The following GPNMB variants were observed in gnomAD, a reference collection of about 807,000 sequenced individuals.
The protein encoded by GPNMB is transmembrane glycoprotein NMB.
Under a neutral mutation model 57.3 loss-of-function variants are expected in GPNMB, and 71 were observed. That is an observed-to-expected ratio of 1.24 (90% CI 1.02 to 1.51). The LOEUF is 1.51. GPNMB is among the 40% of genes most tolerant of loss of function. The pLI is 0.00. For synonymous variants in GPNMB, 253 were observed against 263.2 expected (o/e 0.96, Z 0.38); for missense variants, 677 against 691.9 (o/e 0.98, Z 0.24).
At position 23,256,997 on chromosome 7, in the gene GPNMB, A is replaced by T. The variant is rs1384120180; in HGVS notation, c.473A>T (p.Asp158Val). 6.2e-7 allele frequency: 1 copy of T among 1,613,894 alleles called. No individual in the cohort carries two copies. The highest frequency in any genetic ancestry group is 1.3e-5 in the African/African-American group (1 of 74,940). The part of the protein sequence containing the change: ...TGQSHHNVFP[D>V]GKPFPHHPGW... The stretch of plus-strand genomic sequence containing the variant: ...CAAAGCCATCATAACGTCTTCCCTG[A>T]TGGGAAACCTTTTCCTCACCACCCC... Residue 158 changes from aspartate (D) to valine (V), a missense_variant, in exon 4 of 11, where the codon GAT becomes GTT. Coordinates refer to ENST00000258733, the MANE Select transcript of GPNMB (RefSeq NM_002510.3).
chr7:23,257,083 C>T lies in GPNMB; in HGVS notation c.541+18C>T. On this transcript the variant is annotated intron_variant, in intron 4 of 10. Coordinates refer to ENST00000258733, the MANE Select transcript of GPNMB (RefSeq NM_002510.3). ...CACACTTGGTTGGCTTTTACAAACCCCTAAGCTTCTTCTTTACCTTTCCTT... is the reference window on the plus strand; with the variant it reads ...CACACTTGGTTGGCTTTTACAAACCTCTAAGCTTCTTCTTTACCTTTCCTT... The T allele has an allele frequency of 6.2e-7, 1 of 1,601,646 alleles. No individual in the cohort carries two copies. The highest frequency in any genetic ancestry group is 8.6e-7 in the Non-Finnish European group (1 of 1,168,630).
chr7:23,251,070 G>C (rs1205215992), intron 1 of GPNMB, among the ~76,000 whole-genome samples: 5 of 152,176 alleles, frequency 3.3e-5, no homozygotes, highest in African/African-American at 1.2e-4. Flanking sequence ...GCTTTTGTCA[G>C]ATGTGAAGGC....
intron 4 of GPNMB, 117 bp downstream of exon 4, chr7:23,257,182 C>A: frequency 1.1e-6 from 1 of 939,042 alleles, no homozygotes; most frequent in Non-Finnish European, 1.8e-6. Flanking sequence ...AGTCACCCTG[C>A]TAACTTTCCT....
intron 9 of GPNMB, among the ~76,000 whole-genome samples, chr7:23,272,224 C>T (rs536169000): frequency 2.0e-5 from 3 of 152,212 alleles, no homozygotes; most frequent in Non-Finnish European, 4.4e-5. Flanking sequence ...ACTGGCAAAC[C>T]ACTGATCTCT....
intron 5 of GPNMB, 22 bp downstream of exon 5, chr7:23,260,160 T>C: frequency 6.2e-7 from 1 of 1,611,176 alleles, no homozygotes; most frequent in Non-Finnish European, 8.5e-7. Context: ...GAACTCTAAC[T>C]GAGGATGAGG....
At position 23,267,869 on chromosome 7, in the gene GPNMB, G is replaced by A. The variant is rs1478960721; in HGVS notation, c.1118-17G>A. 1 of 1,482,132 alleles carries A rather than the reference G, an allele frequency of 6.7e-7. No individual in the cohort carries two copies. The allele number at this position is 1,482,132 out of a possible 1,614,324, so 91.8% of individuals were successfully genotyped here. ...GTTGTATTTTGATGTGTTTTTCTCT[G>A]GGGGTTATTTTGTTAGAGGGAATCT... On this transcript the variant is annotated splice_polypyrimidine_tract_variant and intron_variant, in intron 7 of 10. Transcript: ENST00000258733.
rs538428126 is a variant in GPNMB at position 23,265,433 on chromosome 7, C to T, written c.1019-1084C>T. On this transcript the variant is annotated intron_variant, in intron 6 of 10. Transcript: ENST00000258733. ...ATTTTTTATCTTGCTAAAGGAGCAG[C>T]GATGTCTTAATTAGAGCCTGTTAAA... Among the ~76,000 whole-genome samples, 12 of 152,238 alleles carry T rather than the reference C, an allele frequency of 7.9e-5. No homozygotes were observed. In the East Asian group the frequency reaches 9.6e-4, roughly 12 times the overall value.
At chr7:23,272,623 C>T (rs577665297) in intron 9 of GPNMB, among the ~76,000 whole-genome samples, 7 of 152,282 alleles carry the variant, frequency 4.6e-5, no homozygotes, top group African/African-American at 1.4e-4. Flanking sequence ...TTCTTCAAAG[C>T]AAACCTATAG....
At chr7:23,256,761 G>A (rs1782787533) in intron 3 of GPNMB, 131 bp from the exon 4 acceptor site, 2 of 661,726 alleles carry the variant, frequency 3.0e-6, no homozygotes, top group African/African-American at 1.8e-5. Context: ...TACATATTAA[G>A]TGTTTAGTTG....
At chr7:23,252,935 G>A (rs941498836) in intron 1 of GPNMB, among the ~76,000 whole-genome samples, 6 of 152,032 alleles carry the variant, frequency 3.9e-5, no homozygotes, top group Non-Finnish European at 7.4e-5. Context: ...CTTTAGCCAA[G>A]TGAGTAGTTC....
intron 9 of GPNMB, among the ~76,000 whole-genome samples, chr7:23,272,760 C>A (rs558237224): frequency 1.5e-4 from 23 of 152,170 alleles, no homozygotes; most frequent in South Asian, 4.1e-4. Context: ...AGATACAGTT[C>A]TAGATCGAGT....
At chr7:23,257,150 G>C in intron 4 of GPNMB, 85 bp downstream of exon 4, 1 of 1,158,894 alleles carries the variant, frequency 8.6e-7, no homozygotes, top group Non-Finnish European at 1.3e-6. Flanking sequence ...AATTGAGAAT[G>C]ATAACACAGA....
intron 8 of GPNMB, 91 bp from the exon 9 acceptor site, chr7:23,269,876 T>G (rs894085384): frequency 1.3e-6 from 1 of 798,768 alleles, no homozygotes. Context: ...TTCATAGAAA[T>G]GTAATGACTT....
intron 8 of GPNMB, among the ~76,000 whole-genome samples, chr7:23,269,032 G>A (rs962578418): frequency 9.2e-5 from 14 of 152,144 alleles, no homozygotes; most frequent in East Asian, 7.7e-4. Context: ...ACCTGGACTC[G>A]TTAATCTCTC....
chr7:23,272,068 C>T (rs1199361343), intron 9 of GPNMB, among the ~76,000 whole-genome samples: 2 of 152,080 alleles, frequency 1.3e-5, no homozygotes, highest in Non-Finnish European at 2.9e-5. Context: ...GAGAAGGGAG[C>T]CAAAACCTCT....
chr7:23,266,191 T>C (rs1172236061), intron 6 of GPNMB: 3 of 262,484 alleles, frequency 1.1e-5, no homozygotes, highest in African/African-American at 2.3e-5. Context: ...CCTCATGATC[T>C]GCCCCCCTCG....
In GPNMB at chr7:23,254,144, C is replaced by T. The variant is rs200133864; in HGVS notation, c.224-25C>T. The T allele has an allele frequency of 3.5e-5, 55 of 1,585,962 alleles. No homozygotes were observed. The East Asian group carries it at 6.1e-4, about 18-fold the overall frequency. On this transcript the variant is annotated intron_variant, in intron 2 of 10. Coordinates refer to ENST00000258733, the MANE Select transcript of GPNMB (RefSeq NM_002510.3). ...CGAAAGGAAAAAGATGCTGGATCAT[C>T]GAGCCCCACTTTTTTATACCCTAGG...
rs188088392 is a variant in GPNMB at position 23,261,782 on chromosome 7, T to A, written c.1018+1009T>A. 5.6e-3 allele frequency among the ~76,000 whole-genome samples: 853 copies of A among 151,764 alleles called. 3 individuals carry two copies. The highest frequency in any genetic ancestry group is 0.02 in the African/African-American group (816 of 41,336). ...GTACCCTAGAACTTAAAGTAAAATT[T>A]AAAAAAAAGAGAAAAATAAATAAAA... On this transcript the variant is annotated intron_variant, in intron 6 of 10. Coordinates refer to ENST00000258733, the MANE Select transcript of GPNMB (RefSeq NM_002510.3).
intron 6 of GPNMB, among the ~76,000 whole-genome samples, chr7:23,265,016 A>G (rs1173254419): frequency 6.6e-6 from 1 of 152,232 alleles, no homozygotes; most frequent in Non-Finnish European, 1.5e-5. Flanking sequence ...GAGGACTAAT[A>G]TGAAACTCAA....
Sources: allele counts gnomAD v4.1 joint callset (sites outside exome capture counted in the v4.1 genomes callset), GRCh38; gene constraint gnomAD v4.1.1; transcripts MANE v1.5; gene names NCBI Gene and HGNC (gene_info 2026-07-23, HGNC 2026-07-21).